The following NDUFA9 variants were observed in gnomAD, a reference collection of about 807,000 sequenced individuals.
The protein encoded by NDUFA9 is NADH dehydrogenase [ubiquinone] 1 alpha subcomplex subunit 9, mitochondrial.
In NDUFA9, 23 loss-of-function variants were observed where a neutral mutation model predicts 45.9. That is an observed-to-expected ratio of 0.50 (90% CI 0.36 to 0.71). NDUFA9 has a LOEUF of 0.71. Ranked by LOEUF, NDUFA9 falls within the 30% of genes least tolerant of loss-of-function variation. The pLI is 0.00. For missense variants in NDUFA9, 466 were observed against 488.2 expected, an observed-to-expected ratio of 0.95 and a Z score of 0.43; for synonymous variants, 176 against 170.5, an observed-to-expected ratio of 1.03 and a Z score of -0.25.
chr12:4,654,188 T>G, intron 1 of NDUFA9, 104 bp from the exon 2 acceptor site: 1 of 1,135,908 alleles, frequency 8.8e-7, no homozygotes, highest in Non-Finnish European at 1.2e-6. Flanking sequence ...AAGTACTGAT[T>G]GCAAAATAAT....
chr12:4,683,334 A>T (rs1215975737), intron 9 of NDUFA9, among the ~76,000 whole-genome samples: 2 of 152,196 alleles, frequency 1.3e-5, no homozygotes, highest in African/African-American at 4.8e-5. Context: ...GGTCTGGTTA[A>T]GGAGACTGTC....
In NDUFA9 at chr12:4,662,591, C is replaced by G; in HGVS notation, c.611C>G (p.Ser204Trp). Residue 204 changes from serine to tryptophan, a missense_variant, in exon 6 of 11, where the codon TCG (serine) becomes TGG (tryptophan). Ser to Trp is a radical substitution (Grantham distance 177). Transcript: ENST00000266544. ...CCGGAAGCCATTATCGTAAAGCCGT[C>G]GGACATCTTTGGAAGAGAGGATAGA... ...AFPEAIIVKP[S>W]DIFGREDRFL... The G allele has an allele frequency of 6.2e-7, 1 of 1,613,878 alleles. No homozygotes were observed. The highest frequency in any genetic ancestry group is 1.1e-5 in the South Asian group (1 of 91,054).
At chr12:4,679,089 A>C (rs1844829654) in intron 8 of NDUFA9, among the ~76,000 whole-genome samples, 8 of 152,220 alleles carry the variant, frequency 5.3e-5, no homozygotes, top group Admixed American at 5.2e-4. Flanking sequence ...GTTCAACAAT[A>C]AAAGGAATGA....
At chr12:4,674,134 C>T (rs933425731) in intron 8 of NDUFA9, among the ~76,000 whole-genome samples, 16 of 152,158 alleles carry the variant, frequency 1.1e-4, no homozygotes, top group African/African-American at 3.6e-4. Context: ...ATTGCATCAC[C>T]ACCAGGCCTG....
chr12:4,674,276 C>A (rs1945905520), intron 8 of NDUFA9, among the ~76,000 whole-genome samples: 1 of 152,156 alleles, frequency 6.6e-6, no homozygotes, highest in African/African-American at 2.4e-5. Context: ...GGCAAAATAA[C>A]CAGCTAGCAT....
chr12:4,686,330 T>C (rs1005178638), intron 10 of NDUFA9, among the ~76,000 whole-genome samples: 1 of 152,182 alleles, frequency 6.6e-6, no homozygotes, highest in Admixed American at 6.5e-5. Flanking sequence ...CAGTTCATTA[T>C]CTTTCCCTAT....
chr12:4,686,581 C>T (rs771641503), intron 10 of NDUFA9, among the ~76,000 whole-genome samples: 2 of 152,066 alleles, frequency 1.3e-5, no homozygotes, highest in African/African-American at 2.4e-5. Flanking sequence ...TTCCTAAACC[C>T]TCCTGTTCAG....
chr12:4,664,473 A>C (rs1164438241), intron 6 of NDUFA9, among the ~76,000 whole-genome samples: 1 of 152,264 alleles, frequency 6.6e-6, no homozygotes, highest in Non-Finnish European at 1.5e-5. Flanking sequence ...AAAGGGGTTC[A>C]GAGATGTTTA....
intron 4 of NDUFA9, among the ~76,000 whole-genome samples, chr12:4,658,595 T>C (rs1349193837): frequency 6.6e-6 from 1 of 152,186 alleles, no homozygotes; most frequent in African/African-American, 2.4e-5. Flanking sequence ...ACGGCCAGGT[T>C]TCTTTAAAGG....
chr12:4,674,156 C>T (rs889291221), intron 8 of NDUFA9, among the ~76,000 whole-genome samples: 1 of 152,110 alleles, frequency 6.6e-6, no homozygotes, highest in African/African-American at 2.4e-5. Flanking sequence ...CTTACAAGAG[C>T]TCCTGAAGGA....
At chr12:4,650,620 TG>T (rs1294632314) in intron 1 of NDUFA9, among the ~76,000 whole-genome samples, 1 of 152,178 alleles carries the variant, frequency 6.6e-6, no homozygotes, top group African/African-American at 2.4e-5. Flanking sequence ...AGGACAGAAC[TG>T]TGTAAGACAA....
chr12:4,668,686 C>T (rs1037266098), intron 7 of NDUFA9, 162 bp downstream of exon 7: 43 of 645,504 alleles, frequency 6.7e-5, no homozygotes, highest in Non-Finnish European at 1.2e-4. Flanking sequence ...CATGCCTTCT[C>T]TGTGTCTTCA....
rs964248589 is a variant in NDUFA9 at position 4,669,924 on chromosome 12, TCTC to T, written c.800+111_800+113del. ...TTGTTGCACTTTTACAATATCAAAA[TCTC>T]CTCATTGCTTGCATTAAATCAGAAT... is the stretch of plus-strand genomic sequence containing the variant. On this transcript the variant is annotated intron_variant, in intron 8 of 10. Transcript: ENST00000266544. 4 of 788,522 alleles carry T rather than the reference TCTC, an allele frequency of 5.1e-6. No individual in the cohort carries two copies. The African/African-American group carries it at 6.9e-5, about 14-fold the overall frequency. 48.8% of individuals were successfully genotyped at this position (788,522 alleles called of 1,614,324 possible).
Position 4,654,811 on chromosome 12 carries a change from C to G in NDUFA9, c.221-14C>G. 1 of 1,573,890 alleles carries G rather than the reference C, an allele frequency of 6.4e-7. No homozygotes were observed. Among genetic ancestry groups the G allele is most frequent in the African/African-American group, 1.4e-5 (1 of 72,962 alleles). On this transcript the variant is annotated splice_polypyrimidine_tract_variant and intron_variant, in intron 2 of 10. Transcript: ENST00000266544. ...TGTTAATGTTGATCCTTTTTTCAAT[C>G]CATTCTCTTTTAGGACGCATGGGGT... is the stretch of plus-strand genomic sequence containing the variant.
rs776788063 is a variant in NDUFA9 at position 4,659,076 on chromosome 12, G to A, written c.451G>A (p.Ala151Thr). 5 of 1,613,184 alleles carry A rather than the reference G, an allele frequency of 3.1e-6. No homozygotes were observed. In the South Asian group the frequency reaches 5.5e-5, roughly 18 times the overall value. Reference sequence around the variant, plus strand: ...GGATGTTTTTGTGAAGATTCCCCAAGCAATTGCTCAACTGTCCAAGGAAGC... The same window carrying A: ...GGATGTTTTTGTGAAGATTCCCCAAACAATTGCTCAACTGTCCAAGGAAGC... ...FEDVFVKIPQ[A>T]IAQLSKEAGV... Residue 151 changes from alanine (A) to threonine (T), a missense_variant, in exon 5 of 11, where the codon GCA becomes ACA. Physicochemically the swap from Ala to Thr is moderately conservative, Grantham distance 58. Transcript: ENST00000266544.
chr12:4,663,455 A>G (rs73043627), intron 6 of NDUFA9, among the ~76,000 whole-genome samples: 10,775 of 152,272 alleles, frequency 0.071, 456 homozygotes, highest in East Asian at 0.17. Context: ...AAATGAGGCC[A>G]TAAGGGTGAG....
intron 8 of NDUFA9, among the ~76,000 whole-genome samples, chr12:4,679,529 A>T (rs1204838464): frequency 6.6e-6 from 1 of 152,202 alleles, no homozygotes; most frequent in Admixed American, 6.6e-5. Context: ...AAGTCCAGTT[A>T]ATTGGAAAGA....
chr12:4,673,660 A>T (rs1167215273), intron 8 of NDUFA9, among the ~76,000 whole-genome samples: 1 of 152,214 alleles, frequency 6.6e-6, no homozygotes, highest in Non-Finnish European at 1.5e-5. Flanking sequence ...CAAAACTTCC[A>T]AGAAATATGG....
intron 8 of NDUFA9, among the ~76,000 whole-genome samples, chr12:4,681,143 A>T (rs1172780868): frequency 6.6e-6 from 1 of 150,994 alleles, no homozygotes; most frequent in African/African-American, 2.4e-5. Flanking sequence ...CTTTATAGTA[A>T]AAAAAAAATC....
Sources: gnomAD v4.1 joint callset for allele counts (sites outside exome capture counted in the v4.1 genomes callset) on GRCh38, gnomAD v4.1.1 for gene constraint, MANE v1.5 for transcripts, NCBI Gene and HGNC (gene_info 2026-07-23, HGNC 2026-07-21) for gene names.